The following FNBP1L variants were observed in gnomAD, a reference collection of about 807,000 sequenced individuals.
The protein encoded by FNBP1L is formin-binding protein 1-like.
Under a neutral mutation model 91.2 loss-of-function variants are expected in FNBP1L, and 36 were observed. The ratio of observed to expected loss-of-function variants is 0.39; its 90% confidence interval spans 0.30 to 0.52. The LOEUF (loss-of-function observed/expected upper bound fraction) is 0.52, where lower values mean the gene tolerates loss of function less well. FNBP1L is among the 20% of genes least tolerant of loss of function. The probability of loss-of-function intolerance (pLI) is 0.66; values close to 1 mark genes in which losing one functional copy is unlikely to be tolerated. For synonymous variants in FNBP1L, 242 were observed against 237.0 expected (o/e 1.02, Z -0.19); for missense variants, 571 against 732.1 (o/e 0.78, Z 2.54).
intron 10 of FNBP1L, 133 bp from the exon 11 acceptor site, chr1:93,540,909 A>G (rs1672024423): frequency 3.2e-6 from 2 of 631,830 alleles, no homozygotes; most frequent in Non-Finnish European, 2.4e-6. Flanking sequence ...TTTTTCTGGC[A>G]TAATTGTTTG....
intron 1 of FNBP1L, among the ~76,000 whole-genome samples, chr1:93,493,063 A>C (rs1486621431): frequency 6.6e-6 from 1 of 152,186 alleles, no homozygotes. Context: ...CAGGGGTTTG[A>C]GACTAGCCTG....
intron 5 of FNBP1L, 122 bp from the exon 6 acceptor site, chr1:93,529,530 T>G: frequency 1.8e-6 from 1 of 568,456 alleles, no homozygotes; most frequent in South Asian, 2.6e-5. Context: ...CATGGTGGTT[T>G]GCTGCACCCA....
chr1:93,531,893 AG>A, intron 7 of FNBP1L, among the ~76,000 whole-genome samples: 1 of 152,286 alleles, frequency 6.6e-6, no homozygotes, highest in South Asian at 2.1e-4. Context: ...TGAAACAGCA[AG>A]GTCAGTGCTG....
At chr1:93,511,965 C>CAAAAA (rs34752421) in intron 2 of FNBP1L, among the ~76,000 whole-genome samples, 1 of 66,296 alleles carries the variant, frequency 1.5e-5, no homozygotes, top group African/African-American at 5.7e-5. Flanking sequence ...GACTCCGTCT[C>CAAAAA]AAAAAAAAAA....
chr1:93,504,414 G>A (rs1317187280), intron 2 of FNBP1L, among the ~76,000 whole-genome samples: 1 of 152,146 alleles, frequency 6.6e-6, no homozygotes, highest in African/African-American at 2.4e-5. Context: ...CCCGCCATGA[G>A]TCTGAAGCCT....
chr1:93,480,917 T>A (rs1478711463), intron 1 of FNBP1L, among the ~76,000 whole-genome samples: 1 of 152,144 alleles, frequency 6.6e-6, no homozygotes, highest in Non-Finnish European at 1.5e-5. Context: ...CAGGTTTCTG[T>A]ATTATAAAGT....
chr1:93,540,908 C>G, intron 10 of FNBP1L, 134 bp from the exon 11 acceptor site: 2 of 567,764 alleles, frequency 3.5e-6, no homozygotes, highest in Non-Finnish European at 2.7e-6. Flanking sequence ...GTTTTTCTGG[C>G]ATAATTGTTT....
rs576666457 is a variant in FNBP1L, at chr1:93,503,721, G to A, written c.140+4138G>A. ...GAAAATGGTTACTTCAGATCACTTG[G>A]TAGAGTGTTTTTTGTTTGCAAAGAT... On this transcript the variant is annotated intron_variant, in intron 2 of 16. Coordinates refer to ENST00000271234, the MANE Select transcript of FNBP1L (RefSeq NM_001164473.3). 5.3e-5 allele frequency among the ~76,000 whole-genome samples: 8 copies of A among 152,224 alleles called. No individual in the cohort carries two copies. The South Asian group carries it at 1.4e-3, about 28-fold the overall frequency.
At chr1:93,512,714 T>C (rs1670904632) in intron 2 of FNBP1L, among the ~76,000 whole-genome samples, 2 of 151,606 alleles carry the variant, frequency 1.3e-5, no homozygotes. Context: ...AAGATGTTCT[T>C]TGAAACCAAC....
intron 1 of FNBP1L, among the ~76,000 whole-genome samples, chr1:93,459,665 G>A (rs889559344): frequency 1.3e-5 from 2 of 152,328 alleles, no homozygotes; most frequent in Middle Eastern, 3.4e-3. Flanking sequence ...CAATATGACA[G>A]TTCCTCAAAA....
At chr1:93,475,423 C>T (rs1164837164) in intron 1 of FNBP1L, among the ~76,000 whole-genome samples, 1 of 151,978 alleles carries the variant, frequency 6.6e-6, no homozygotes, top group Non-Finnish European at 1.5e-5. Flanking sequence ...CCTGTGGTCC[C>T]AGCTATTTGG....
At chr1:93,517,211 T>G (rs1236355737) in intron 2 of FNBP1L, among the ~76,000 whole-genome samples, 1 of 151,968 alleles carries the variant, frequency 6.6e-6, no homozygotes, top group Non-Finnish European at 1.5e-5. Flanking sequence ...GCCTGGCTAA[T>G]TTTTTTGTAT....
At chr1:93,499,215 A>G (rs1221025843) in intron 1 of FNBP1L, among the ~76,000 whole-genome samples, 1 of 152,110 alleles carries the variant, frequency 6.6e-6, no homozygotes, top group Non-Finnish European at 1.5e-5. Flanking sequence ...GACTGCAAAA[A>G]GCTGATCAGG....
chr1:93,498,806 GTT>G (rs1406283542), intron 1 of FNBP1L, among the ~76,000 whole-genome samples: 1 of 152,140 alleles, frequency 6.6e-6, no homozygotes, highest in African/African-American at 2.4e-5. Flanking sequence ...TGCAGAACAT[GTT>G]TAATAACATC....
At chr1:93,485,360 T>G (rs968642768) in intron 1 of FNBP1L, among the ~76,000 whole-genome samples, 2 of 152,154 alleles carry the variant, frequency 1.3e-5, no homozygotes, top group African/African-American at 4.8e-5. Context: ...ATATACTATT[T>G]TAAAGACCCC....
chr1:93,452,927 G>A (rs1400386991), intron 1 of FNBP1L, among the ~76,000 whole-genome samples: 3 of 152,186 alleles, frequency 2.0e-5, no homozygotes, highest in Admixed American at 2.0e-4. Context: ...GAAGGCTTAT[G>A]ATATTGGCCC....
intron 5 of FNBP1L, among the ~76,000 whole-genome samples, chr1:93,527,772 T>G (rs1427980224): frequency 6.6e-6 from 1 of 151,948 alleles, no homozygotes; most frequent in Admixed American, 6.6e-5. Context: ...ACATCTAATG[T>G]GCACATGAGG....
At chr1:93,508,950 A>G (rs891294116) in intron 2 of FNBP1L, among the ~76,000 whole-genome samples, 7 of 152,210 alleles carry the variant, frequency 4.6e-5, no homozygotes, top group Admixed American at 3.9e-4. Context: ...CTTTAAGATT[A>G]TGTCCTATCA....
rs1246147121 is a variant in FNBP1L, at chr1:93,544,160, A to T, written c.1218A>T (p.Lys406Asn). The change falls in exon 12 of 17, where the codon AAA (lysine) becomes AAT (asparagine). Residue 406 changes from lysine (K) to asparagine (N), a missense_variant. Around this residue, in one of 5 missense-constraint regions of FNBP1L, gnomAD observed 150 missense variants for 155.9 expected, o/e 0.96. Coordinates refer to ENST00000271234, the MANE Select transcript of FNBP1L (RefSeq NM_001164473.3). ...SHLPPEQRRK[K>N]LQQRIDELNR... is the part of the protein sequence containing the mutation. Reference sequence around the variant, plus strand: ...TGCCACCAGAACAGAGACGTAAAAAACTACAGCAGCGCATTGATGAACTTA... The same window carrying T: ...TGCCACCAGAACAGAGACGTAAAAATCTACAGCAGCGCATTGATGAACTTA... 6.2e-7 allele frequency: 1 copy of T among 1,612,534 alleles called. No homozygotes were observed.
Sources: gnomAD v4.1 joint callset for allele counts (sites outside exome capture counted in the v4.1 genomes callset) on GRCh38, gnomAD v4.1.1 for gene constraint, gnomAD v4.1.1 regional missense constraint, MANE v1.5 for transcripts, NCBI Gene and HGNC (gene_info 2026-07-23, HGNC 2026-07-21) for gene names.